Variants in UTRN observed in about 807,000 individuals in gnomAD.
The protein encoded by UTRN is dystrophin-related protein 1.
In UTRN, 283 loss-of-function variants were observed where a neutral mutation model predicts 463.9. The ratio of observed to expected loss-of-function variants is 0.61; its 90% CI spans 0.55 to 0.67. UTRN has a LOEUF of 0.67. UTRN is among the 30% of genes least tolerant of loss of function. UTRN has a pLI of 0.00. For synonymous variants in UTRN, 1,442 were observed against 1,431.5 expected (o/e 1.01, Z -0.17); for missense variants, 3,922 against 4,084.3 (o/e 0.96, Z 1.08).
chr6:144,798,727 G>T lies in UTRN; in HGVS notation c.9245+737G>T, dbSNP rs117852019. On this transcript the variant is annotated intron_variant, in intron 64 of 74. Transcript: ENST00000367545. ...AAGCCTACTCAGTAGGGAAATTCAA[G>T]ATTTTGTGTGTGTCTTTTTTTATTT... is the stretch of plus-strand genomic sequence containing the variant. Among the ~76,000 whole-genome samples, 819 of 152,320 alleles carry T rather than the reference G, an allele frequency of 5.4e-3. 5 individuals are homozygous for T. The highest frequency in any genetic ancestry group is 0.024 in the Middle Eastern group (7 of 294).
chr6:144,595,400 C>T (rs980508176), intron 51 of UTRN, among the ~76,000 whole-genome samples: 1 of 152,216 alleles, frequency 6.6e-6, no homozygotes, highest in Non-Finnish European at 1.5e-5. Context: ...CAGTGACTAA[C>T]TCAAACTTCT....
At chr6:144,681,186 A>C (rs1782159790) in intron 52 of UTRN, among the ~76,000 whole-genome samples, 1 of 152,182 alleles carries the variant, frequency 6.6e-6, no homozygotes, top group Admixed American at 6.6e-5. Context: ...AGACAGCCAA[A>C]GCCATTAGAT....
intron 52 of UTRN, among the ~76,000 whole-genome samples, chr6:144,695,957 T>A (rs1783958712): frequency 6.6e-6 from 1 of 152,210 alleles, no homozygotes; most frequent in African/African-American, 2.4e-5. Context: ...TAGATCTTTA[T>A]TAACATGGTT....
intron 2 of UTRN, among the ~76,000 whole-genome samples, chr6:144,388,435 C>T (rs992356332): frequency 5.9e-5 from 9 of 152,064 alleles, no homozygotes; most frequent in African/African-American, 1.9e-4. Flanking sequence ...ACCCTAGCCT[C>T]CAGAGTAGCT....
intron 66 of UTRN, 30 bp from the exon 67 acceptor site, chr6:144,827,318 G>A: frequency 6.2e-7 from 1 of 1,612,696 alleles, no homozygotes; most frequent in Admixed American, 1.7e-5. Flanking sequence ...TTTGTTCTGT[G>A]ACTTTTGTCT....
chr6:144,623,537 C>CT (rs925205037), intron 51 of UTRN, among the ~76,000 whole-genome samples: 1 of 152,144 alleles, frequency 6.6e-6, no homozygotes, highest in Admixed American at 6.5e-5. Context: ...TTGAAGATTG[C>CT]TTTTAATTTC....
Position 144,836,183 on chromosome 6 carries a change from T to G in UTRN, c.9825-118T>G, listed in dbSNP as rs1586771109. 11 of 1,451,226 alleles carry G rather than the reference T, an allele frequency of 7.6e-6. No individual in the cohort carries two copies. In the East Asian group the frequency reaches 2.5e-4, roughly 33 times the overall value. The allele number at this position is 1,451,226 out of a possible 1,614,324, so 89.9% of individuals were successfully genotyped here. ...TATTCCTGCATGCTCATCCTGCTATTAATACACATTTTTATATAAGAGGAA... is the reference window on the plus strand; with the variant it reads ...TATTCCTGCATGCTCATCCTGCTATGAATACACATTTTTATATAAGAGGAA... On this transcript the variant is annotated intron_variant, in intron 70 of 74. Transcript: ENST00000367545.
intron 51 of UTRN, among the ~76,000 whole-genome samples, chr6:144,665,705 T>C (rs1780316664): frequency 6.6e-6 from 1 of 152,244 alleles, no homozygotes. Flanking sequence ...CTCAGTGAGC[T>C]TTTGTAGCCA....
intron 48 of UTRN, among the ~76,000 whole-genome samples, chr6:144,552,350 G>A (rs1798997946): frequency 6.6e-6 from 1 of 152,112 alleles, no homozygotes; most frequent in African/African-American, 2.4e-5. Context: ...TGGATGGATT[G>A]TGCCTATTAT....
intron 54 of UTRN, among the ~76,000 whole-genome samples, chr6:144,731,957 G>T (rs1324194988): frequency 1.3e-5 from 2 of 151,648 alleles, no homozygotes; most frequent in African/African-American, 4.8e-5. Context: ...TGCCTCCCAG[G>T]TTCAAGCAAT....
chr6:144,365,298 CAT>C (rs1779416421), intron 2 of UTRN, among the ~76,000 whole-genome samples: 1 of 151,996 alleles, frequency 6.6e-6, no homozygotes, highest in South Asian at 2.1e-4. Context: ...TTTTCCTGTT[CAT>C]GTGTGTGTTA....
At chr6:144,465,711 A>C (rs1183398402) in intron 23 of UTRN, among the ~76,000 whole-genome samples, 1 of 152,062 alleles carries the variant, frequency 6.6e-6, no homozygotes, top group East Asian at 1.9e-4. Flanking sequence ...TAAATTCCAC[A>C]CCCTCAAATT....
intron 42 of UTRN, among the ~76,000 whole-genome samples, chr6:144,531,934 G>A (rs979282038): frequency 2.6e-5 from 4 of 151,940 alleles, no homozygotes; most frequent in African/African-American, 7.3e-5. Flanking sequence ...TCAGGAGATC[G>A]AGACCATCCT....
At chr6:144,487,209 C>T (rs934271809) in intron 28 of UTRN, among the ~76,000 whole-genome samples, 5 of 151,982 alleles carry the variant, frequency 3.3e-5, no homozygotes, top group African/African-American at 4.8e-5. Flanking sequence ...CGCTCTGTTG[C>T]CCAGGCTGGA....
At chr6:144,570,730 C>A (rs933480636) in intron 50 of UTRN, among the ~76,000 whole-genome samples, 3 of 152,146 alleles carry the variant, frequency 2.0e-5, no homozygotes, top group African/African-American at 7.2e-5. Flanking sequence ...AGTTACTTTA[C>A]CCAGTGGAAT....
intron 60 of UTRN, among the ~76,000 whole-genome samples, chr6:144,781,521 C>T (rs1775826168): frequency 6.6e-6 from 1 of 152,112 alleles, no homozygotes; most frequent in South Asian, 2.1e-4. Context: ...GCACAGGCTG[C>T]TTGCAGGAGT....
chr6:144,313,037 C>T (rs541575186), intron 2 of UTRN, among the ~76,000 whole-genome samples: 8 of 152,240 alleles, frequency 5.3e-5, no homozygotes, highest in South Asian at 4.1e-4. Flanking sequence ...AAGGTGGCTC[C>T]GCTTCATATG....
intron 62 of UTRN, 57 bp from the exon 63 acceptor site, chr6:144,793,777 T>C (rs1453260089): frequency 3.2e-6 from 5 of 1,572,984 alleles, no homozygotes; most frequent in Non-Finnish European, 4.3e-6. Context: ...AAAGATATAT[T>C]TTAAGTAAAA....
chr6:144,483,194 G>A (rs775184684), intron 27 of UTRN, among the ~76,000 whole-genome samples: 22 of 152,070 alleles, frequency 1.4e-4, no homozygotes, highest in Non-Finnish European at 2.8e-4. Context: ...TTCGTTTCTT[G>A]TTCTAAACCA....
Sources: gnomAD v4.1 joint callset for allele counts (sites outside exome capture counted in the v4.1 genomes callset) on GRCh38, gnomAD v4.1.1 for gene constraint, MANE v1.5 for transcripts, NCBI Gene and HGNC (gene_info 2026-07-23, HGNC 2026-07-21) for gene names.